ZNF841: variants seen among roughly 807,000 people sequenced by gnomAD.
ZNF841 encodes TCONS_00006091.
In ZNF841, 11 loss-of-function variants were observed where a neutral mutation model predicts 13.0. That is an observed-to-expected ratio of 0.85 (90% CI 0.53 to 1.40). The LOEUF is 1.40. ZNF841 is among the 40% of genes most tolerant of loss of function. The pLI is 0.00. For synonymous variants in ZNF841, 369 were observed against 381.6 expected, an observed-to-expected ratio of 0.97 and a Z score of 0.38; for missense variants, 1,068 against 1,139.5, an observed-to-expected ratio of 0.94 and a Z score of 0.90.
intron 3 of ZNF841, among the ~76,000 whole-genome samples, chr19:52,087,711 C>T (rs1466307442): frequency 1.3e-5 from 2 of 151,952 alleles, no homozygotes; most frequent in African/African-American, 4.8e-5. Context: ...AGAGGCCCGG[C>T]GCGGTGGCTC....
chr19:52,081,386 C>A (rs1219018753), intron 4 of ZNF841, among the ~76,000 whole-genome samples: 2 of 152,138 alleles, frequency 1.3e-5, no homozygotes, highest in Non-Finnish European at 2.9e-5. Flanking sequence ...GCCATGAATA[C>A]AGAGGGCTGA....
chr19:52,063,442 T>C (rs756573263), downstream of ZNF841, among the ~76,000 whole-genome samples: 2 of 152,078 alleles, frequency 1.3e-5, no homozygotes, highest in Non-Finnish European at 2.9e-5. Context: ...CTCCACATCC[T>C]GGATTCAAGT....
chr19:52,073,521 G>A (rs770853090), intron 6 of ZNF841, among the ~76,000 whole-genome samples: 1 of 151,992 alleles, frequency 6.6e-6, no homozygotes, highest in Non-Finnish European at 1.5e-5. Flanking sequence ...GGCTGGTCTC[G>A]AACTCCTGAC....
chr19:52,090,659 GAAAGAAAGAAA>G lies in ZNF841; in HGVS notation c.-143-1668_-143-1658del, dbSNP rs1568549628. 5.3e-4 allele frequency among the ~76,000 whole-genome samples: 58 copies of G among 109,134 alleles called. 3 individuals carry two copies. Among genetic ancestry groups the G allele is most frequent in the Non-Finnish European group, 6.5e-4 (34 of 52,198 alleles). The allele number at this position is 109,134 out of a possible 152,430, so 71.6% of individuals were successfully genotyped here. ...GGAAGGAAGGAAGGAAGGAAGGAAA[GAAAGAAAGAAA>G]GAAAGAAAGAAAGAAAGAAAGAAAG... On this transcript the variant is annotated intron_variant, in intron 2 of 6. Transcript: ENST00000594440.
intron 4 of ZNF841, among the ~76,000 whole-genome samples, chr19:52,081,234 G>A (rs567491475): frequency 2.8e-4 from 42 of 152,268 alleles, no homozygotes; most frequent in Non-Finnish European, 2.1e-4. Context: ...CAATGTAAAT[G>A]CTACATAAGT....
At chr19:52,085,003 C>G (rs929347575) in intron 3 of ZNF841, 125 bp from the exon 4 acceptor site, 43 of 587,444 alleles carry the variant, frequency 7.3e-5, no homozygotes, top group Non-Finnish European at 1.1e-4. Flanking sequence ...GGGATGCAAG[C>G]ATAATAAACT....
rs1301942234 is a variant in ZNF841, at chr19:52,080,013, AAG to A, written c.16-2931_16-2930del. Among the ~76,000 whole-genome samples the A allele has an allele frequency of 3.8e-3, 576 of 151,688 alleles. 4 individuals carry two copies. Among genetic ancestry groups the A allele is most frequent in the South Asian group, 7.3e-3 (35 of 4,806 alleles). On this transcript the variant is annotated intron_variant, in intron 4 of 6. Transcript: ENST00000594440. ...TCTCAGGGAAAAAAAAAAAAAAAAA[AAG>A]AGATAACATGATTGCAACCCAGAAA...
chr19:52,079,433 A>T (rs976302060), intron 4 of ZNF841, among the ~76,000 whole-genome samples: 4 of 91,202 alleles, frequency 4.4e-5, no homozygotes, highest in Non-Finnish European at 8.9e-5. Flanking sequence ...GAAATCTGTA[A>T]AAAAAAAAAA....
intron 2 of ZNF841, among the ~76,000 whole-genome samples, chr19:52,090,892 A>G (rs7247792): frequency 1 from 151,762 of 152,160 alleles, 75,684 homozygotes; most frequent in Middle Eastern, 1. Flanking sequence ...ACTCCCTGGC[A>G]CCATGCTCCT....
At chr19:52,084,762 C>A (rs1398195896) in intron 4 of ZNF841, 25 bp downstream of exon 4, 1 of 1,612,956 alleles carries the variant, frequency 6.2e-7, no homozygotes, top group South Asian at 1.1e-5. Flanking sequence ...GGAGACAGAA[C>A]AATCCACCAA....
chr19:52,088,029 C>T (rs1160942774), intron 3 of ZNF841, among the ~76,000 whole-genome samples: 1 of 118,890 alleles, frequency 8.4e-6, no homozygotes, highest in African/African-American at 3.4e-5. Flanking sequence ...ACGTGCAGCC[C>T]AAAATACTCC....
chr19:52,079,451 A>C (rs1216399559), intron 4 of ZNF841, among the ~76,000 whole-genome samples: 10 of 151,280 alleles, frequency 6.6e-5, no homozygotes, highest in Non-Finnish European at 1.2e-4. Context: ...AAAAAAAAAA[A>C]AACCCAAAAA....
chr19:52,080,332 C>T (rs1169858785), intron 4 of ZNF841, among the ~76,000 whole-genome samples: 1 of 152,104 alleles, frequency 6.6e-6, no homozygotes, highest in African/African-American at 2.4e-5. Flanking sequence ...ATCCAGAAAA[C>T]AGTTAGGAGG....
At chr19:52,081,973 G>A (rs1466869554) in intron 4 of ZNF841, among the ~76,000 whole-genome samples, 1 of 152,130 alleles carries the variant, frequency 6.6e-6, no homozygotes, top group African/African-American at 2.4e-5. Context: ...TGAACTCAAA[G>A]GGGATTTTGA....
intron 6 of ZNF841, among the ~76,000 whole-genome samples, chr19:52,068,136 A>G (rs2123227750): frequency 6.6e-6 from 1 of 152,308 alleles, no homozygotes. Flanking sequence ...ATACAAATCT[A>G]TAGTATGAAA....
downstream of ZNF841, among the ~76,000 whole-genome samples, chr19:52,063,077 G>GT (rs1238547159): frequency 6.6e-6 from 1 of 151,938 alleles, no homozygotes; most frequent in Non-Finnish European, 1.5e-5. Flanking sequence ...GGGTTTCACC[G>GT]TGTTAGCCAG....
In ZNF841 at chr19:52,066,570, A is replaced by G; in HGVS notation, c.1312T>C (p.Phe438Leu). Residue 438 changes from phenylalanine to leucine, a missense_variant, in exon 7 of 7, where the codon TTT becomes CTT. Coordinates refer to ENST00000594440, the MANE Select transcript of ZNF841 (RefSeq NM_001136499.2). ...PYTCDVCGKV[F>L]YQNSQLVRHQ... Reference sequence around the variant, plus strand: ...CTTACAAGTTGTGAATTCTGATAAAAGACCTTGCCACATACATCACATGTA... The same window carrying G: ...CTTACAAGTTGTGAATTCTGATAAAGGACCTTGCCACATACATCACATGTA... 8 of 1,613,724 alleles carry G rather than the reference A, an allele frequency of 5.0e-6. No individual in the cohort carries two copies. The highest frequency in any genetic ancestry group is 1.1e-5 in the South Asian group (1 of 91,042).
At chr19:52,090,703 G>GAAAGAA (rs2088462752) in intron 2 of ZNF841, among the ~76,000 whole-genome samples, 2 of 150,030 alleles carry the variant, frequency 1.3e-5, no homozygotes, top group Non-Finnish European at 3.0e-5. Flanking sequence ...AAGAAAGAAA[G>GAAAGAA]AAAGAGAAAG....
Position 52,077,054 on chromosome 19 carries a change from C to T in ZNF841, c.46G>A (p.Glu16Lys). The change falls in exon 5 of 7, where the codon GAA (glutamate) becomes AAA (lysine). Residue 16 changes from glutamate to lysine, a missense_variant. Glu to Lys is a moderately conservative substitution (Grantham distance 56). Transcript: ENST00000594440. ...GSLTFRDVAVEFSQEEWKCLD... is the reference protein window; with the variant it reads ...GSLTFRDVAVKFSQEEWKCLD... Reference sequence around the variant, plus strand: ...CATTTCCACTCCTCCTGAGAGAATTCTACAGCCACATCCCTGAATGTCAAA... The same window carrying T: ...CATTTCCACTCCTCCTGAGAGAATTTTACAGCCACATCCCTGAATGTCAAA... The T allele has an allele frequency of 6.2e-7, 1 of 1,612,592 alleles. No homozygotes were observed. Among genetic ancestry groups the T allele is most frequent in the Non-Finnish European group, 8.5e-7 (1 of 1,179,164 alleles).
Sources: allele counts gnomAD v4.1 joint callset (sites outside exome capture counted in the v4.1 genomes callset), GRCh38; gene constraint gnomAD v4.1.1; transcripts MANE v1.5; gene names NCBI Gene and HGNC (gene_info 2026-07-23, HGNC 2026-07-21).